Variants in FBXO42 observed in about 807,000 individuals in gnomAD.
The protein encoded by FBXO42 is F-box only protein 42.
In FBXO42, 12 loss-of-function variants were observed where a neutral mutation model predicts 71.7. The ratio of observed to expected loss-of-function variants is 0.17; its 90% CI spans 0.11 to 0.27. FBXO42 has a LOEUF of 0.27. FBXO42 is among the 10% of genes least tolerant of loss of function. The probability of loss-of-function intolerance (pLI) is 1.00; values close to 1 mark genes in which losing one functional copy is unlikely to be tolerated. For missense variants in FBXO42, 707 were observed against 911.9 expected, an observed-to-expected ratio of 0.78 and a Z score of 2.89; for synonymous variants, 325 against 327.5, an observed-to-expected ratio of 0.99 and a Z score of 0.08.
In FBXO42 at chr1:16,281,664, C is replaced by CT. The variant is rs1347142983; in HGVS notation, c.502+13118dup. ...TCTTTTTTTCTTTTTCTTTTTCTTT[C>CT]TTTTTTTTTTTTGAGACGGAGTCTC... On this transcript the variant is annotated intron_variant, in intron 4 of 9. Coordinates refer to ENST00000375592, the MANE Select transcript of FBXO42 (RefSeq NM_018994.3). 8.2e-3 allele frequency among the ~76,000 whole-genome samples: 1,138 copies of CT among 139,522 alleles called. 8 individuals carry two copies. The highest frequency in any genetic ancestry group is 0.025 in the African/African-American group (941 of 38,316). 91.5% of individuals were successfully genotyped at this position (139,522 alleles called of 152,430 possible).
intron 4 of FBXO42, among the ~76,000 whole-genome samples, chr1:16,279,968 T>C (rs1241796559): frequency 1.3e-5 from 2 of 151,914 alleles, no homozygotes; most frequent in South Asian, 4.1e-4. Context: ...TGCCTCAGCC[T>C]CCTGGGTAGC....
rs1026966075 is a variant in FBXO42 at position 16,247,471 on chromosome 1, C to A, written c.*3199G>T. On this transcript the variant is annotated 3_prime_UTR_variant, in exon 10 of 10. Coordinates refer to ENST00000375592, the MANE Select transcript of FBXO42 (RefSeq NM_018994.3). ...GGTGAAAGAAAGGAAAGGGAAACAT[C>A]TCTTTGTTCTCCATTGGCTGGTGGC... The A allele has an allele frequency of 6.6e-6, 1 of 152,240 alleles. No individual in the cohort carries two copies. The highest frequency in any genetic ancestry group is 1.5e-5 in the Non-Finnish European group (1 of 68,050). 9.4% of individuals were successfully genotyped at this position (152,240 alleles called of 1,614,324 possible).
intron 1 of FBXO42, among the ~76,000 whole-genome samples, chr1:16,332,724 A>G (rs1020429183): frequency 1.3e-5 from 2 of 152,064 alleles, no homozygotes; most frequent in Non-Finnish European, 2.9e-5. Context: ...TATTTTTAGT[A>G]GAGATACAGT....
chr1:16,287,505 AG>A (rs1430330299), intron 4 of FBXO42, among the ~76,000 whole-genome samples: 1 of 152,212 alleles, frequency 6.6e-6, no homozygotes, highest in African/African-American at 2.4e-5. Context: ...GAACAATACC[AG>A]GGGGGCAATC....
At position 16,256,774 on chromosome 1, in the gene FBXO42, T is replaced by G; in HGVS notation, c.503-15A>C. On this transcript the variant is annotated splice_polypyrimidine_tract_variant and intron_variant, in intron 4 of 9. Transcript: ENST00000375592. ...AGGATAGGACCCTAGGGAAAGTCAG[T>G]AACACCATGGTTAGCATTCAGGATC... The G allele has an allele frequency of 6.2e-7, 1 of 1,613,444 alleles. No individual in the cohort carries two copies. The highest frequency in any genetic ancestry group is 8.5e-7 in the Non-Finnish European group (1 of 1,179,494).
chr1:16,350,573 CAAAAAAAAAAAAAAA>C (rs60358251), intron 1 of FBXO42, among the ~76,000 whole-genome samples: 1 of 66,792 alleles, frequency 1.5e-5, no homozygotes, highest in Non-Finnish European at 2.8e-5. Context: ...ACTAAAATTA[CAAAAAAAAAAAAAAA>C]AAAAAAAAAA....
intron 3 of FBXO42, 118 bp from the exon 4 acceptor site, chr1:16,295,035 A>T (rs1422148132): frequency 3.3e-6 from 4 of 1,195,004 alleles, no homozygotes; most frequent in Non-Finnish European, 4.5e-6. Flanking sequence ...GTTACCAAGT[A>T]CCAAATTTCT....
rs80319718 is a variant in FBXO42, at chr1:16,315,377, A to G, written c.42T>C (p.Ala14=). The G allele has an allele frequency of 6.4e-4, 1,037 of 1,614,186 alleles. 9 individuals are homozygous for G. In the African/African-American group the frequency reaches 0.013, roughly 20 times the overall value. The part of the protein sequence containing the change: ...SSDSEDDSFM[A]VDQEETVLEG... Reference sequence around the variant, plus strand: ...CCAGCACAGTTTCTTCCTGGTCCACAGCCATGAAACTGTCATCTTCACTGT... The same window carrying G: ...CCAGCACAGTTTCTTCCTGGTCCACGGCCATGAAACTGTCATCTTCACTGT... The change falls in exon 2 of 10, where the codon GCT becomes GCC. Residue 14 remains alanine, a synonymous_variant. Transcript: ENST00000375592.
intron 1 of FBXO42, among the ~76,000 whole-genome samples, chr1:16,325,237 C>CA (rs1367985077): frequency 6.6e-6 from 1 of 151,918 alleles, no homozygotes; most frequent in East Asian, 1.9e-4. Flanking sequence ...GACTCTGTCC[C>CA]AAAACAACAA....
chr1:16,318,762 G>C (rs2082391136), intron 1 of FBXO42, among the ~76,000 whole-genome samples: 1 of 152,206 alleles, frequency 6.6e-6, no homozygotes, highest in African/African-American at 2.4e-5. Context: ...GATTGGGCAA[G>C]AGGAGCCATC....
intron 2 of FBXO42, among the ~76,000 whole-genome samples, chr1:16,310,193 C>CA (rs558283325): frequency 0.036 from 3,285 of 91,026 alleles, 140 homozygotes; most frequent in African/African-American, 0.11. Flanking sequence ...GACTCCATCT[C>CA]AAAAAAAAAA....
intron 3 of FBXO42, among the ~76,000 whole-genome samples, chr1:16,296,353 A>G (rs2082130210): frequency 6.6e-6 from 1 of 151,700 alleles, no homozygotes; most frequent in African/African-American, 2.4e-5. Context: ...GAAAGGAAAA[A>G]GAAATTCACA....
intron 6 of FBXO42, among the ~76,000 whole-genome samples, 177 bp from the exon 7 acceptor site, chr1:16,253,908 TGAACCA>T (rs1301714773): frequency 1.3e-5 from 2 of 152,230 alleles, no homozygotes; most frequent in African/African-American, 4.8e-5. Flanking sequence ...CAGGGGCTTC[TGAACCA>T]GAAAGAGACC....
chr1:16,322,615 T>C (rs747466157), intron 1 of FBXO42, among the ~76,000 whole-genome samples: 2 of 151,996 alleles, frequency 1.3e-5, no homozygotes, highest in Non-Finnish European at 2.9e-5. Flanking sequence ...AAAAAAACTA[T>C]GCTACATATA....
chr1:16,287,072 T>G (rs1327674578), intron 4 of FBXO42, among the ~76,000 whole-genome samples: 5 of 152,198 alleles, frequency 3.3e-5, no homozygotes, highest in African/African-American at 1.2e-4. Context: ...TATGACAATG[T>G]CCTTACAACA....
rs183776585 is a variant in FBXO42, at chr1:16,304,247, G to C, written c.367+1556C>G. Among the ~76,000 whole-genome samples the C allele has an allele frequency of 1.6e-4, 25 of 151,546 alleles. No individual in the cohort carries two copies. In the East Asian group the frequency reaches 4.1e-3, roughly 25 times the overall value. ...TTCTCCTGTCTCAGCCTCCCAAATA[G>C]CTGGGATTACTGGCATGTGCCACCA... On this transcript the variant is annotated intron_variant, in intron 3 of 9. Coordinates refer to ENST00000375592, the MANE Select transcript of FBXO42 (RefSeq NM_018994.3).
At chr1:16,346,897 G>A (rs1362355035) in intron 1 of FBXO42, among the ~76,000 whole-genome samples, 1 of 150,812 alleles carries the variant, frequency 6.6e-6, no homozygotes, top group Non-Finnish European at 1.5e-5. Flanking sequence ...TGGGATTACA[G>A]GCACACACTA....
intron 2 of FBXO42, among the ~76,000 whole-genome samples, chr1:16,309,933 C>T (rs933706027): frequency 7.2e-5 from 11 of 152,060 alleles, no homozygotes; most frequent in African/African-American, 1.7e-4. Flanking sequence ...CAGTGGCTCA[C>T]GCCTGTAATC....
Position 16,352,454 on chromosome 1 carries a change from T to G in FBXO42, c.-217A>C, listed in dbSNP as rs1332950743. 3 of 398,350 alleles carry G rather than the reference T, an allele frequency of 7.5e-6. No individual in the cohort carries two copies. The South Asian group carries it at 3.8e-4, about 51-fold the overall frequency. 24.7% of individuals were successfully genotyped at this position (398,350 alleles called of 1,614,324 possible). ...ACGCCGCCGCCGCCGCAGCTGCTGC[T>G]GCTCAGGCCGGGAGAAGACAGCGCA... On this transcript the variant is annotated 5_prime_UTR_variant, in exon 1 of 10. Coordinates refer to ENST00000375592, the MANE Select transcript of FBXO42 (RefSeq NM_018994.3).
Sources: gnomAD v4.1 joint callset for allele counts (sites outside exome capture counted in the v4.1 genomes callset) on GRCh38, gnomAD v4.1.1 for gene constraint, MANE v1.5 for transcripts, NCBI Gene and HGNC (gene_info 2026-07-23, HGNC 2026-07-21) for gene names.